USP47: variants seen among roughly 807,000 people sequenced by gnomAD.
USP47 encodes ubiquitin specific peptidase 47.
Under a neutral mutation model 165.1 loss-of-function variants are expected in USP47, and 35 were observed. The observed-to-expected ratio is 0.21, with a 90% CI of 0.16 to 0.28. The LOEUF (loss-of-function observed/expected upper bound fraction) is 0.28, where lower values mean the gene tolerates loss of function less well. Among genes scored for constraint, USP47 ranks in the 10% least tolerant of loss-of-function variants. The probability of loss-of-function intolerance (pLI) is 1.00; values close to 1 mark genes in which losing one functional copy is unlikely to be tolerated. For missense variants in USP47, 1,277 were observed against 1,607.4 expected (o/e 0.79, Z 3.52); for synonymous variants, 531 against 544.5 (o/e 0.98, Z 0.35).
intron 12 of USP47, 111 bp downstream of exon 12, chr11:11,929,676 A>G: frequency 7.1e-7 from 1 of 1,410,808 alleles, no homozygotes. Flanking sequence ...ATACATCTTA[A>G]GACCCATATC....
chr11:11,949,405 T>G (rs1045425075), intron 22 of USP47, among the ~76,000 whole-genome samples: 1 of 152,172 alleles, frequency 6.6e-6, no homozygotes, highest in African/African-American at 2.4e-5. Flanking sequence ...TTTATTCATA[T>G]AAGATATTTT....
intron 2 of USP47, among the ~76,000 whole-genome samples, chr11:11,882,013 C>G (rs1850864114): frequency 6.6e-6 from 1 of 152,088 alleles, no homozygotes; most frequent in African/African-American, 2.4e-5. Flanking sequence ...GTTATTAGAA[C>G]AGTATTCTAG....
chr11:11,952,600 A>G, intron 24 of USP47, 141 bp from the exon 25 acceptor site: 1 of 855,928 alleles, frequency 1.2e-6, no homozygotes, highest in Non-Finnish European at 1.7e-6. Flanking sequence ...ACTCCTTGGG[A>G]TAATTGGGTT....
intron 1 of USP47, among the ~76,000 whole-genome samples, chr11:11,868,714 CT>C (rs906292237): frequency 9.2e-5 from 14 of 151,394 alleles, no homozygotes; most frequent in Non-Finnish European, 1.8e-4. Context: ...AATTACTGGA[CT>C]GTTTTCCAGA....
Position 11,846,697 on chromosome 11 carries a change from A to G in USP47, c.39+4473A>G, listed in dbSNP as rs553636137. ...CTTCACAGCAACCTCAGAGTACATA[A>G]GACACATTGATAGCAAAAACAACTT... On this transcript the variant is annotated intron_variant, in intron 1 of 27. Transcript: ENST00000527733. Among the ~76,000 whole-genome samples the G allele has an allele frequency of 1.5e-4, 23 of 152,284 alleles. No individual in the cohort carries two copies. The East Asian group carries it at 4.4e-3, about 29-fold the overall frequency.
intron 25 of USP47, 125 bp from the exon 26 acceptor site, chr11:11,954,771 TC>T (rs1314405618): frequency 8.1e-6 from 9 of 1,116,192 alleles, no homozygotes; most frequent in Non-Finnish European, 1.1e-5. Context: ...TTCTGCTTTT[TC>T]TTAATTTTTT....
At chr11:11,843,044 G>A (rs1410066897) in intron 1 of USP47, among the ~76,000 whole-genome samples, 1 of 152,040 alleles carries the variant, frequency 6.6e-6, no homozygotes, top group Non-Finnish European at 1.5e-5. Context: ...TATCTTCGGC[G>A]TATTCAAATG....
chr11:11,842,340 TGAG>T (rs1228453718), intron 1 of USP47, 116 bp downstream of exon 1: 6 of 1,132,742 alleles, frequency 5.3e-6, no homozygotes, highest in Non-Finnish European at 7.4e-6. Flanking sequence ...TGTGGGGGAA[TGAG>T]GAGGCGTGAG....
At chr11:11,881,250 G>T (rs1850807587) in intron 2 of USP47, among the ~76,000 whole-genome samples, 1 of 152,004 alleles carries the variant, frequency 6.6e-6, no homozygotes, top group Non-Finnish European at 1.5e-5. Flanking sequence ...TCTGGGATTG[G>T]CTGGCTTCTG....
chr11:11,923,041 CATATATATATATAT>C (rs56976706), intron 11 of USP47, 150 bp downstream of exon 11: 39,091 of 140,188 alleles, frequency 0.28, 6,992 homozygotes, highest in Admixed American at 0.48. Flanking sequence ...TTTTTTTGTA[CATATATATATATAT>C]ATATATATAT....
intron 1 of USP47, among the ~76,000 whole-genome samples, chr11:11,862,433 T>TC (rs397831252): frequency 1.3e-5 from 2 of 151,984 alleles, no homozygotes; most frequent in African/African-American, 4.8e-5. Flanking sequence ...GTGGGTTTTT[T>TC]CATGTTCTTG....
In USP47 at chr11:11,930,681, TTA is replaced by T; in HGVS notation, c.1596-13_1596-12del. ...TACTTTTTGTCCTTATTAATCTTTT[TTA>T]TGTTTCTACTAGTTCCACAAATGCA... On this transcript the variant is annotated splice_polypyrimidine_tract_variant and intron_variant, in intron 13 of 27. Coordinates refer to ENST00000527733, the MANE Select transcript of USP47 (RefSeq NM_001282659.2). The T allele has an allele frequency of 1.3e-6, 2 of 1,585,884 alleles. No homozygotes were observed. Among genetic ancestry groups the T allele is most frequent in the South Asian group, 1.2e-5 (1 of 85,486 alleles).
intron 1 of USP47, 59 bp downstream of exon 1, chr11:11,842,283 C>G: frequency 6.5e-7 from 1 of 1,527,914 alleles, no homozygotes; most frequent in Non-Finnish European, 8.8e-7. Flanking sequence ...GCAACACAGG[C>G]CCGGGCCGGG....
intron 9 of USP47, 30 bp downstream of exon 9, chr11:11,920,281 G>T: frequency 6.2e-7 from 1 of 1,605,394 alleles, no homozygotes; most frequent in Non-Finnish European, 8.5e-7. Flanking sequence ...TAATACTTAG[G>T]AATCTGAGAT....
intron 1 of USP47, among the ~76,000 whole-genome samples, chr11:11,875,605 T>A (rs1404775123): frequency 6.6e-6 from 1 of 152,230 alleles, no homozygotes; most frequent in African/African-American, 2.4e-5. Context: ...TTTTATTCTT[T>A]CTACTTTTTT....
At chr11:11,907,564 T>C (rs1852653174) in intron 8 of USP47, among the ~76,000 whole-genome samples, 1 of 152,154 alleles carries the variant, frequency 6.6e-6, no homozygotes, top group Admixed American at 6.5e-5. Flanking sequence ...GCATCTAAAA[T>C]TGGTTATATG....
intron 1 of USP47, among the ~76,000 whole-genome samples, chr11:11,859,011 A>T (rs954996399): frequency 1.3e-5 from 2 of 152,058 alleles, no homozygotes; most frequent in African/African-American, 4.8e-5. Flanking sequence ...ATCTTTGTTT[A>T]CTTGGCAGTG....
At chr11:11,915,451 G>A (rs549288308) in intron 8 of USP47, among the ~76,000 whole-genome samples, 11 of 152,240 alleles carry the variant, frequency 7.2e-5, no homozygotes, top group Non-Finnish European at 1.2e-4. Flanking sequence ...ACCTCTACAG[G>A]TGATAGAATT....
intron 1 of USP47, among the ~76,000 whole-genome samples, chr11:11,877,322 G>A (rs1850498307): frequency 6.6e-6 from 1 of 152,158 alleles, no homozygotes; most frequent in African/African-American, 2.4e-5. Context: ...AAGTCCACAT[G>A]TTATATTAAA....
Sources: allele counts gnomAD v4.1 joint callset (sites outside exome capture counted in the v4.1 genomes callset), GRCh38; gene constraint gnomAD v4.1.1; transcripts MANE v1.5; gene names NCBI Gene and HGNC (gene_info 2026-07-23, HGNC 2026-07-21).